Variants in MPHOSPH9 observed in about 807,000 individuals in gnomAD.
MPHOSPH9 encodes M-phase phosphoprotein 9.
MPHOSPH9 carries 88 observed loss-of-function variants against 145.5 expected under a neutral mutation model. The observed-to-expected ratio is 0.60, with a 90% CI of 0.51 to 0.72. The LOEUF (loss-of-function observed/expected upper bound fraction) is 0.72. Ranked by LOEUF, MPHOSPH9 falls within the 30% of genes least tolerant of loss-of-function variation. The pLI is 0.00. For missense variants in MPHOSPH9, 1,238 were observed against 1,386.6 expected, an observed-to-expected ratio of 0.89 and a Z score of 1.70; for synonymous variants, 435 against 486.2, an observed-to-expected ratio of 0.89 and a Z score of 1.39.
At chr12:123,171,925 T>A (rs145724245) in intron 16 of MPHOSPH9, among the ~76,000 whole-genome samples, 58 of 152,270 alleles carry the variant, frequency 3.8e-4, no homozygotes, top group Middle Eastern at 3.4e-3. Flanking sequence ...CTCTCCAATC[T>A]CATTCGTTCC....
At chr12:123,184,791 C>G (rs1388319483) in intron 13 of MPHOSPH9, among the ~76,000 whole-genome samples, 1 of 151,634 alleles carries the variant, frequency 6.6e-6, no homozygotes, top group South Asian at 2.1e-4. Flanking sequence ...AGCCACCGTG[C>G]CCGGCCTATT....
At chr12:123,196,560 G>C (rs570983949) in intron 12 of MPHOSPH9, among the ~76,000 whole-genome samples, 6 of 151,984 alleles carry the variant, frequency 3.9e-5, no homozygotes, top group Non-Finnish European at 5.9e-5. Flanking sequence ...ACATAACAAA[G>C]GTCTTTGTTC....
At chr12:123,178,577 G>A (rs944696876) in intron 15 of MPHOSPH9, among the ~76,000 whole-genome samples, 7 of 152,158 alleles carry the variant, frequency 4.6e-5, no homozygotes, top group African/African-American at 1.7e-4. Flanking sequence ...AGGCTGGAGT[G>A]CAGTGGCGTG....
intron 2 of MPHOSPH9, among the ~76,000 whole-genome samples, chr12:123,229,166 G>C (rs553747346): frequency 5.9e-5 from 9 of 152,078 alleles, no homozygotes; most frequent in Admixed American, 1.3e-4. Flanking sequence ...AAGACCTACC[G>C]TGTTTAAAGC....
intron 7 of MPHOSPH9, among the ~76,000 whole-genome samples, chr12:123,212,194 G>A (rs1172252531): frequency 6.6e-6 from 1 of 152,048 alleles, no homozygotes; most frequent in African/African-American, 2.4e-5. Context: ...GGGGTGCGAT[G>A]GGCAGGCACT....
intron 16 of MPHOSPH9, among the ~76,000 whole-genome samples, chr12:123,170,474 G>A (rs2044531066): frequency 6.6e-6 from 1 of 151,942 alleles, no homozygotes; most frequent in Non-Finnish European, 1.5e-5. Flanking sequence ...TAGAGACAGG[G>A]TTTTGCCATG....
intron 8 of MPHOSPH9, among the ~76,000 whole-genome samples, chr12:123,205,974 A>G (rs543509559): frequency 5.3e-5 from 8 of 152,210 alleles, no homozygotes; most frequent in South Asian, 2.1e-4. Context: ...ACGGTGAATC[A>G]GACACGTTTA....
chr12:123,185,840 A>G (rs2045418941), intron 13 of MPHOSPH9, among the ~76,000 whole-genome samples: 1 of 152,194 alleles, frequency 6.6e-6, no homozygotes, highest in Non-Finnish European at 1.5e-5. Flanking sequence ...TATTATTTAG[A>G]CAACTGGCAA....
At chr12:123,211,322 T>C (rs965528601) in intron 7 of MPHOSPH9, among the ~76,000 whole-genome samples, 5 of 152,132 alleles carry the variant, frequency 3.3e-5, no homozygotes, top group Non-Finnish European at 7.3e-5. Context: ...GGCTTCACCA[T>C]GTTGGCCAGG....
chr12:123,178,077 G>A (rs949015688), intron 15 of MPHOSPH9, among the ~76,000 whole-genome samples: 3 of 152,020 alleles, frequency 2.0e-5, no homozygotes, highest in South Asian at 2.1e-4. Context: ...GGTCTCGCTC[G>A]GTCACCCAGG....
chr12:123,198,040 C>T (rs1226535016), intron 12 of MPHOSPH9, among the ~76,000 whole-genome samples: 2 of 150,916 alleles, frequency 1.3e-5, no homozygotes, highest in Non-Finnish European at 2.9e-5. Context: ...GCCAAGACCG[C>T]GCCACTGCAC....
intron 16 of MPHOSPH9, among the ~76,000 whole-genome samples, chr12:123,174,723 C>T (rs1358973449): frequency 6.6e-6 from 1 of 152,086 alleles, no homozygotes; most frequent in Admixed American, 6.6e-5. Flanking sequence ...GAGCTCCAAA[C>T]TCATTTATAA....
chr12:123,168,055 C>T (rs114573947), intron 16 of MPHOSPH9, among the ~76,000 whole-genome samples: 13 of 152,308 alleles, frequency 8.5e-5, no homozygotes, highest in African/African-American at 2.2e-4. Flanking sequence ...GCTTCAGCAA[C>T]GTGACCTACG....
At chr12:123,230,189 T>A (rs57676984) in intron 2 of MPHOSPH9, 72 bp downstream of exon 2, 38,401 of 790,446 alleles carry the variant, frequency 0.049, 1,805 homozygotes, top group East Asian at 0.26. Flanking sequence ...TGACACTATT[T>A]GGATAAGTTG....
At chr12:123,207,015 G>A (rs1257874148) in intron 8 of MPHOSPH9, among the ~76,000 whole-genome samples, 5 of 150,290 alleles carry the variant, frequency 3.3e-5, no homozygotes, top group African/African-American at 1.2e-4. Flanking sequence ...AGGAGTTTGA[G>A]ACCAGCCTAG....
At chr12:123,166,989 T>C (rs563040591) in intron 16 of MPHOSPH9, among the ~76,000 whole-genome samples, 200 bp from the exon 17 acceptor site, 7 of 152,390 alleles carry the variant, frequency 4.6e-5, no homozygotes, top group African/African-American at 1.7e-4. Context: ...AGGTTTCTGT[T>C]ACTTCTGAAT....
chr12:123,203,397 T>C, intron 8 of MPHOSPH9, 22 bp from the exon 9 acceptor site: 1 of 1,555,924 alleles, frequency 6.4e-7, no homozygotes, highest in South Asian at 1.2e-5. Context: ...GAAACAAAAT[T>C]AAATGGTGTT....
intron 16 of MPHOSPH9, among the ~76,000 whole-genome samples, chr12:123,174,812 T>C (rs534147119): frequency 5.9e-5 from 9 of 152,356 alleles, no homozygotes; most frequent in Admixed American, 3.9e-4. Flanking sequence ...ATCTCTTCCC[T>C]AAGTTCAACA....
chr12:123,237,755 C>T (rs1225905319), upstream of MPHOSPH9, among the ~76,000 whole-genome samples: 1 of 152,148 alleles, frequency 6.6e-6, no homozygotes, highest in African/African-American at 2.4e-5. Flanking sequence ...GCCTTACCAG[C>T]AATACTCACT....
Sources: gnomAD v4.1 joint callset for allele counts (sites outside exome capture counted in the v4.1 genomes callset) on GRCh38, gnomAD v4.1.1 for gene constraint, MANE v1.5 for transcripts, NCBI Gene and HGNC (gene_info 2026-07-23, HGNC 2026-07-21) for gene names.